Variants in CAB39L observed in about 807,000 individuals in gnomAD.
CAB39L encodes calcium binding protein 39 like.
Under a neutral mutation model 39.1 loss-of-function variants are expected in CAB39L, and 23 were observed. That is an observed-to-expected ratio of 0.59 (90% CI 0.42 to 0.83). CAB39L has a LOEUF of 0.83. CAB39L is among the 40% of genes least tolerant of loss of function. The pLI is 0.00. For synonymous variants in CAB39L, 126 were observed against 137.2 expected, an observed-to-expected ratio of 0.92 and a Z score of 0.57; for missense variants, 366 against 391.9, an observed-to-expected ratio of 0.93 and a Z score of 0.56.
Position 49,309,995 on chromosome 13 carries a change from G to T in CAB39L, c.*819C>A, listed in dbSNP as rs1210770772. 1 of 152,294 alleles carries T rather than the reference G, an allele frequency of 6.6e-6. No individual in the cohort carries two copies. The highest frequency in any genetic ancestry group is 2.4e-5 in the African/African-American group (1 of 41,444). 9.4% of individuals were successfully genotyped at this position (152,294 alleles called of 1,614,324 possible). ...CTTACAGCAGAAAGCATTCACCCAT[G>T]ACCATTATGAAGGAAATATTCTGTC... On this transcript the variant is annotated 3_prime_UTR_variant, in exon 11 of 11. Coordinates refer to ENST00000409308, the MANE Select transcript of CAB39L (RefSeq NM_001079670.3).
chr13:49,386,611 C>A (rs1417084775), intron 3 of CAB39L, among the ~76,000 whole-genome samples: 1 of 152,022 alleles, frequency 6.6e-6, no homozygotes, highest in African/African-American at 2.4e-5. Flanking sequence ...ATTAGTTTAA[C>A]AATGTTTTAA....
At chr13:49,430,821 C>T (rs187230572) in intron 3 of CAB39L, among the ~76,000 whole-genome samples, 1 of 152,230 alleles carries the variant, frequency 6.6e-6, no homozygotes, top group East Asian at 1.9e-4. Flanking sequence ...AAGCCTAATT[C>T]GTAATTCCTG....
intron 10 of CAB39L, among the ~76,000 whole-genome samples, chr13:49,328,986 T>G (rs1305573553): frequency 6.6e-6 from 1 of 152,240 alleles, no homozygotes; most frequent in African/African-American, 2.4e-5. Flanking sequence ...AACTTATTTC[T>G]GTGTATACTG....
intron 3 of CAB39L, among the ~76,000 whole-genome samples, chr13:49,411,687 T>C (rs1408146101): frequency 3.3e-5 from 5 of 152,168 alleles, no homozygotes; most frequent in Non-Finnish European, 7.3e-5. Context: ...GGTTGCACAG[T>C]AGATGCACTT....
At chr13:49,322,809 G>A (rs887522057) in intron 10 of CAB39L, among the ~76,000 whole-genome samples, 6 of 152,140 alleles carry the variant, frequency 3.9e-5, no homozygotes, top group Non-Finnish European at 8.8e-5. Context: ...CCCTGAAAAG[G>A]TGATTCTATA....
intron 7 of CAB39L, among the ~76,000 whole-genome samples, chr13:49,346,532 G>C (rs1311955434): frequency 6.6e-6 from 1 of 152,066 alleles, no homozygotes; most frequent in Non-Finnish European, 1.5e-5. Flanking sequence ...AGTATATTAT[G>C]CTGAAAAATC....
chr13:49,333,778 T>C (rs1016883529), intron 9 of CAB39L, among the ~76,000 whole-genome samples: 3 of 151,864 alleles, frequency 2.0e-5, no homozygotes, highest in Non-Finnish European at 4.4e-5. Flanking sequence ...TTCACCATGT[T>C]AGCCAGGATG....
chr13:49,407,311 C>T (rs1476475199), intron 3 of CAB39L, among the ~76,000 whole-genome samples: 1 of 152,118 alleles, frequency 6.6e-6, no homozygotes, highest in Non-Finnish European at 1.5e-5. Flanking sequence ...TTACCTCCTC[C>T]ACCTCAGCAG....
chr13:49,384,114 A>G (rs1215027877), intron 3 of CAB39L, among the ~76,000 whole-genome samples: 1 of 152,240 alleles, frequency 6.6e-6, no homozygotes, highest in East Asian at 1.9e-4. Context: ...TGCTTTCAAA[A>G]TTGAAGTCAG....
intron 10 of CAB39L, among the ~76,000 whole-genome samples, chr13:49,321,277 A>C (rs983548613): frequency 2.6e-5 from 4 of 152,242 alleles, no homozygotes; most frequent in African/African-American, 7.2e-5. Flanking sequence ...CATTCTGTAC[A>C]TAGTACTTTG....
intron 3 of CAB39L, chr13:49,413,910 A>T (rs2138693150): frequency 1.3e-5 from 2 of 152,286 alleles, no homozygotes; most frequent in East Asian, 3.9e-4. Flanking sequence ...TTAAACAGAA[A>T]ATTTAAACTC....
intron 1 of CAB39L, among the ~76,000 whole-genome samples, chr13:49,439,921 G>GT (rs34993624): frequency 0.03 from 2,360 of 78,480 alleles, 74 homozygotes; most frequent in Middle Eastern, 0.037. Flanking sequence ...TTTTTAATGG[G>GT]TTTTTTTTTT....
intron 4 of CAB39L, among the ~76,000 whole-genome samples, chr13:49,377,817 G>A (rs1296498183): frequency 3.1e-4 from 28 of 90,248 alleles, no homozygotes; most frequent in South Asian, 7.0e-4. Context: ...CCGCCACCCC[G>A]TCTGGGATGT....
chr13:49,325,801 C>A (rs9526543), intron 10 of CAB39L, among the ~76,000 whole-genome samples: 151,660 of 152,228 alleles, frequency 1, 75,549 homozygotes, highest in Middle Eastern at 1. Context: ...AAAATAAATA[C>A]ATAAATAAAT....
chr13:49,382,906 T>G lies in CAB39L; in HGVS notation c.5A>C (p.Lys2Thr). The change falls in exon 4 of 11, where the codon AAA becomes ACA. Residue 2 changes from lysine to threonine, a missense_variant. Physicochemically the swap from Lys to Thr is moderately conservative, Grantham distance 78. Transcript: ENST00000409308. The stretch of plus-strand genomic sequence containing the variant: ...TGATTTACTAAACAAAGGCATTTTT[T>G]TCATGTGTAGAAATCTCTTCTTCCA... Reference protein sequence around the residue: MKKMPLFSKSHK... With the variant: MTKMPLFSKSHK... The G allele has an allele frequency of 6.3e-7, 1 of 1,584,414 alleles. No homozygotes were observed. Among genetic ancestry groups the G allele is most frequent in the Non-Finnish European group, 8.7e-7 (1 of 1,155,238 alleles).
At chr13:49,405,845 C>A (rs1956866363) in intron 3 of CAB39L, among the ~76,000 whole-genome samples, 1 of 151,916 alleles carries the variant, frequency 6.6e-6, no homozygotes, top group Admixed American at 6.6e-5. Context: ...AGAATGAGAT[C>A]CTGTCATTTG....
chr13:49,310,783 C>T lies in CAB39L; in HGVS notation c.*31G>A, dbSNP rs371538259. 326 of 1,605,310 alleles carry T rather than the reference C, an allele frequency of 2.0e-4. 5 individuals are homozygous for T. In the African/African-American group the frequency reaches 2.7e-3, roughly 13 times the overall value. ...CACTGTACAAACTGGACAAATGAGA[C>T]GACTGACTGTGACAGGGGCCGGGGA... is the stretch of plus-strand genomic sequence containing the variant. On this transcript the variant is annotated 3_prime_UTR_variant, in exon 11 of 11. Coordinates refer to ENST00000409308, the MANE Select transcript of CAB39L (RefSeq NM_001079670.3).
chr13:49,402,623 A>G (rs940145249), intron 3 of CAB39L, among the ~76,000 whole-genome samples: 1 of 152,176 alleles, frequency 6.6e-6, no homozygotes, highest in Non-Finnish European at 1.5e-5. Context: ...CAGAATTAAA[A>G]TCTCTCTAAG....
rs1431372481 is a variant in CAB39L, at chr13:49,444,063, G to A, written c.-323C>T. 2.2e-6 allele frequency: 1 copy of A among 450,568 alleles called. No individual in the cohort carries two copies. The highest frequency in any genetic ancestry group is 2.4e-5 in the Admixed American group (1 of 41,240). 27.9% of individuals were successfully genotyped at this position (450,568 alleles called of 1,614,324 possible). A position where few individuals can be genotyped will look rare whatever the true frequency, so the allele number is the denominator to read the frequency against. On this transcript the variant is annotated 5_prime_UTR_variant, in exon 1 of 11. Transcript: ENST00000409308. The stretch of plus-strand genomic sequence containing the variant: ...GTAACTCCATTGGCTCAGCTACAGT[G>A]CGCGAGACAAGCCGAGAGCGCTAGC...
Sources: allele counts gnomAD v4.1 joint callset (sites outside exome capture counted in the v4.1 genomes callset), GRCh38; gene constraint gnomAD v4.1.1; transcripts MANE v1.5; gene names NCBI Gene and HGNC (gene_info 2026-07-23, HGNC 2026-07-21).